Variants in IKBKB observed in about 807,000 individuals in gnomAD.
IKBKB encodes inhibitor of nuclear factor kappa B kinase subunit beta, also known as inhibitor of nuclear factor kappa-B kinase subunit beta.
IKBKB carries 42 observed loss-of-function variants against 113.6 expected under a neutral mutation model. That is an observed-to-expected ratio of 0.37 (90% confidence interval 0.29 to 0.48). The LOEUF is 0.48. Among genes scored for constraint, IKBKB ranks in the 20% least tolerant of loss-of-function variants. The probability of loss-of-function intolerance (pLI) is 0.99; values close to 1 mark genes in which losing one functional copy is unlikely to be tolerated. For synonymous variants in IKBKB, 296 were observed against 361.3 expected (o/e 0.82, Z 2.05); for missense variants, 673 against 939.7 (o/e 0.72, Z 3.71).
chr8:42,274,210 A>G (rs1304125707), intron 2 of IKBKB, among the ~76,000 whole-genome samples: 1 of 151,910 alleles, frequency 6.6e-6, no homozygotes, highest in Admixed American at 6.6e-5. Context: ...TTGTATTTTT[A>G]GTAGAAATGG....
intron 15 of IKBKB, 151 bp downstream of exon 15, chr8:42,319,797 A>G: frequency 1.5e-6 from 1 of 655,826 alleles, no homozygotes; most frequent in Non-Finnish European, 2.6e-6. Flanking sequence ...AGCTGAAAAG[A>G]GGCCAAGAGA....
rs200870278 is a variant in IKBKB, at chr8:42,326,054, C to T, written c.2071C>T (p.Pro691Ser). The T allele has an allele frequency of 1.2e-6, 2 of 1,614,256 alleles. No individual in the cohort carries two copies. The change falls in exon 20 of 22, where the codon CCC becomes TCC. Residue 691 changes from proline to serine, a missense_variant. Coordinates refer to ENST00000520810, the MANE Select transcript of IKBKB (RefSeq NM_001556.3). ...CCAGCCTGGGCAGCTGATGTCTCAG[C>T]CCTCCACGGCCTCCAACAGCTTACC... ...LSQPGQLMSQ[P>S]STASNSLPEP... is the part of the protein sequence containing the mutation.
chr8:42,293,091 C>G (rs536878581), intron 4 of IKBKB, among the ~76,000 whole-genome samples: 85 of 152,242 alleles, frequency 5.6e-4, no homozygotes, highest in Non-Finnish European at 5.1e-4. Flanking sequence ...CAGCCTGGCC[C>G]GTCTCTAGGA....
At chr8:42,293,617 C>G in intron 5 of IKBKB, 105 bp downstream of exon 5, 1 of 1,594,270 alleles carries the variant, frequency 6.3e-7, no homozygotes, top group Non-Finnish European at 8.5e-7. Flanking sequence ...CCTTTGGTCT[C>G]TGTGGAAGGG....
In IKBKB at chr8:42,287,116, G is replaced by A. The variant is rs556568806; in HGVS notation, c.106-1518G>A. Among the ~76,000 whole-genome samples the A allele has an allele frequency of 2.0e-3, 297 of 152,302 alleles. 3 individuals are homozygous for A. The Middle Eastern group carries it at 0.024, about 12-fold the overall frequency. ...GTGGTGCAGTGGTGACTCCCTTGTG[G>A]CAGCTGGAGTGCCCGAGGCCAGAGC... On this transcript the variant is annotated intron_variant, in intron 2 of 21. Transcript: ENST00000520810.
rs1256684831 is a variant in IKBKB at position 42,272,090 on chromosome 8, A to G, written c.-11A>G. On this transcript the variant is annotated 5_prime_UTR_variant, in exon 2 of 22. Transcript: ENST00000520810. ...ATCCCAAATTGCTTATAGAGTTAGC[A>G]CGACATCAGTATGAGCTGGTCACCT... The G allele has an allele frequency of 2.5e-6, 4 of 1,613,464 alleles. No individual in the cohort carries two copies. The South Asian group carries it at 3.3e-5, about 13-fold the overall frequency.
intron 5 of IKBKB, among the ~76,000 whole-genome samples, chr8:42,294,381 T>C (rs1813281366): frequency 6.6e-6 from 1 of 151,954 alleles, no homozygotes; most frequent in Admixed American, 6.6e-5. Flanking sequence ...GTTAAAAGAG[T>C]AGTACAGCAA....
At chr8:42,302,527 G>A (rs1337716249) in intron 5 of IKBKB, among the ~76,000 whole-genome samples, 2 of 152,104 alleles carry the variant, frequency 1.3e-5, no homozygotes, top group Non-Finnish European at 2.9e-5. Flanking sequence ...AAAATCTAAA[G>A]GGCTGTAAAA....
At chr8:42,289,974 G>A (rs1812260952) in intron 3 of IKBKB, among the ~76,000 whole-genome samples, 182 bp from the exon 4 acceptor site, 1 of 152,200 alleles carries the variant, frequency 6.6e-6, no homozygotes, top group African/African-American at 2.4e-5. Flanking sequence ...GGTGCTGTGA[G>A]TGGGGCTGGG....
rs1821106781 is a variant in IKBKB at position 42,327,915 on chromosome 8, A to C, written c.2115-1209A>C. Among the ~76,000 whole-genome samples the C allele has an allele frequency of 5.7e-5, 2 of 34,918 alleles. 1 individual carries two copies. Among genetic ancestry groups the C allele is most frequent in the Non-Finnish European group, 3.1e-4 (2 of 6,376 alleles). The allele number at this position is 34,918 out of a possible 152,430, so 22.9% of individuals were successfully genotyped here. ...AAGCTCCGCTTCCCGGGTTCACGCC[A>C]TTCTCCTGCCTCAGCCTCCCGAGTA... is the stretch of plus-strand genomic sequence containing the variant. On this transcript the variant is annotated intron_variant, in intron 20 of 21. Transcript: ENST00000520810.
At chr8:42,328,248 T>C (rs1404028184) in intron 20 of IKBKB, among the ~76,000 whole-genome samples, 7 of 111,938 alleles carry the variant, frequency 6.3e-5, no homozygotes, top group African/African-American at 2.2e-4. Flanking sequence ...CACCCGGCCC[T>C]TTTTTTTTTT....
chr8:42,329,593 T>C, intron 21 of IKBKB: 1 of 972,894 alleles, frequency 1.0e-6, no homozygotes, highest in Non-Finnish European at 1.2e-6. Flanking sequence ...ATGTATGCAT[T>C]ATCTTATTTA....
At chr8:42,321,809 A>T in intron 16 of IKBKB, 87 bp from the exon 17 acceptor site, 1 of 916,742 alleles carries the variant, frequency 1.1e-6, no homozygotes, top group South Asian at 1.7e-5. Flanking sequence ...CCTGGGCAAC[A>T]TGGTGAAACT....
chr8:42,271,454 G>C lies in IKBKB; in HGVS notation c.-34G>C, dbSNP rs1007068634. 224 of 925,312 alleles carry C rather than the reference G, an allele frequency of 2.4e-4. 1 individual carries two copies. Among genetic ancestry groups the C allele is most frequent in the Non-Finnish European group, 4.5e-5 (30 of 662,148 alleles). 57.3% of individuals were successfully genotyped at this position (925,312 alleles called of 1,614,324 possible). On this transcript the variant is annotated 5_prime_UTR_variant, in exon 1 of 22. Transcript: ENST00000520810. ...CCCCGGGGAGCCCGCCCCCTGCCCC[G>C]CGTCCCTGCCGACAGGTGAGTCCCC...
At chr8:42,299,952 TC>T (rs1440692973) in intron 5 of IKBKB, among the ~76,000 whole-genome samples, 1 of 152,252 alleles carries the variant, frequency 6.6e-6, no homozygotes, top group African/African-American at 2.4e-5. Flanking sequence ...AGGGCTGACT[TC>T]CGGGTTTGGG....
In IKBKB at chr8:42,272,169, A is replaced by G. The variant is rs1425144570; in HGVS notation, c.69A>G (p.Thr23=). 2 of 1,614,032 alleles carry G rather than the reference A, an allele frequency of 1.2e-6. No homozygotes were observed. Among genetic ancestry groups the G allele is most frequent in the East Asian group, 2.2e-5 (1 of 44,888 alleles). The change falls in exon 2 of 22, where the codon ACA becomes ACG. Residue 23 remains threonine, a synonymous_variant. Coordinates refer to ENST00000520810, the MANE Select transcript of IKBKB (RefSeq NM_001556.3). ...GGGAAATGAAAGAGCGCCTTGGGAC[A>G]GGGGGATTTGGAAATGTCATCCGAT... The part of the protein sequence containing the change: ...GAWEMKERLG[T]GGFGNVIRWH...
intron 19 of IKBKB, 141 bp from the exon 20 acceptor site, chr8:42,325,829 G>A: frequency 6.7e-7 from 1 of 1,491,460 alleles, no homozygotes; most frequent in Non-Finnish European, 8.9e-7. Flanking sequence ...TGACCCGCAG[G>A]TGGGGGTGCC....
chr8:42,278,863 G>A (rs547038032), intron 2 of IKBKB, among the ~76,000 whole-genome samples: 3 of 152,224 alleles, frequency 2.0e-5, no homozygotes, highest in Non-Finnish European at 2.9e-5. Context: ...GCATGGTGGC[G>A]CATGCCTGTA....
chr8:42,294,853 TC>T (rs1813392802), intron 5 of IKBKB, among the ~76,000 whole-genome samples: 1 of 152,176 alleles, frequency 6.6e-6, no homozygotes, highest in Non-Finnish European at 1.5e-5. Context: ...GGCTCACCCA[TC>T]CATGTTTTGC....
Sources: allele counts gnomAD v4.1 joint callset (sites outside exome capture counted in the v4.1 genomes callset), GRCh38; gene constraint gnomAD v4.1.1; transcripts MANE v1.5; gene names NCBI Gene and HGNC (gene_info 2026-07-23, HGNC 2026-07-21).